Variants in SLC8B1 observed in about 807,000 individuals in gnomAD.
The protein encoded by SLC8B1 is mitochondrial sodium/calcium exchanger protein.
SLC8B1 carries 52 observed loss-of-function variants against 63.4 expected under a neutral mutation model. The ratio of observed to expected loss-of-function variants is 0.82; its 90% CI spans 0.66 to 1.03. The LOEUF (loss-of-function observed/expected upper bound fraction) is 1.03. Ranked by LOEUF, SLC8B1 falls within the 50% of genes least tolerant of loss-of-function variation. The pLI is 0.00. For synonymous variants in SLC8B1, 336 were observed against 323.9 expected (o/e 1.04, Z -0.40); for missense variants, 657 against 741.7 (o/e 0.89, Z 1.33).
rs16942728 is a variant in SLC8B1, at chr12:113,304,441, T to C, written c.1493-56A>G. ...ATGGCCTGCACATAACCCAACCACATAGCCCGTTCCTCCTACTGTGTTCAT... is the reference window on the plus strand; with the variant it reads ...ATGGCCTGCACATAACCCAACCACACAGCCCGTTCCTCCTACTGTGTTCAT... On this transcript the variant is annotated intron_variant, in intron 14 of 15. Transcript: ENST00000680972. 0.015 allele frequency: 22,535 copies of C among 1,506,260 alleles called. 1,368 individuals carry two copies. In the East Asian group the frequency reaches 0.21, roughly 14 times the overall value. 93.3% of individuals were successfully genotyped at this position (1,506,260 alleles called of 1,614,324 possible). A position where few individuals can be genotyped will look rare whatever the true frequency, so the allele number is the denominator to read the frequency against.
At chr12:113,318,292 A>C (rs527649523) in intron 8 of SLC8B1, among the ~76,000 whole-genome samples, 1 of 147,856 alleles carries the variant, frequency 6.8e-6, no homozygotes, top group East Asian at 2.0e-4. Flanking sequence ...CATGTGTGTG[A>C]GCATGTATTT....
chr12:113,313,160 C>T (rs1047330993), intron 11 of SLC8B1, among the ~76,000 whole-genome samples: 2 of 152,088 alleles, frequency 1.3e-5, no homozygotes, highest in African/African-American at 4.8e-5. Context: ...ACTGCCTCAG[C>T]GTCCCAAAGT....
chr12:113,327,472 C>T (rs919886111), intron 2 of SLC8B1, among the ~76,000 whole-genome samples: 8 of 151,950 alleles, frequency 5.3e-5, no homozygotes, highest in African/African-American at 1.9e-4. Flanking sequence ...AGTGCCTGAG[C>T]CCATGAGTTT....
In SLC8B1 at chr12:113,320,938, C is replaced by A; in HGVS notation, c.363-31G>T. The A allele has an allele frequency of 6.3e-7, 1 of 1,595,924 alleles. No individual in the cohort carries two copies. Among genetic ancestry groups the A allele is most frequent in the Non-Finnish European group, 8.5e-7 (1 of 1,172,476 alleles). Reference sequence around the variant, plus strand: ...GAGAAAAAGCGGACGGGAAGCATTTCCGTAGTAACCGGCCCCGGACCCCTA... The same window carrying A: ...GAGAAAAAGCGGACGGGAAGCATTTACGTAGTAACCGGCCCCGGACCCCTA... On this transcript the variant is annotated intron_variant, in intron 4 of 15. Coordinates refer to ENST00000680972, the MANE Select transcript of SLC8B1 (RefSeq NM_001358345.2). This position sits in a 1 kb window ranked among gnomAD's most constrained non-coding sequence, Gnocchi z 5.3.
chr12:113,328,745 C>CTTTTTT (rs557008297), intron 2 of SLC8B1, among the ~76,000 whole-genome samples: 1 of 139,778 alleles, frequency 7.2e-6, no homozygotes, highest in African/African-American at 2.6e-5. Flanking sequence ...CTCCCAGTTA[C>CTTTTTT]TTTTTTTTTT....
intron 11 of SLC8B1, among the ~76,000 whole-genome samples, chr12:113,314,881 C>A (rs530127492): frequency 6.6e-6 from 1 of 152,332 alleles, no homozygotes; most frequent in South Asian, 2.1e-4. Flanking sequence ...GCAGGAGGTC[C>A]CCTGGGTGAA....
intron 12 of SLC8B1, chr12:113,308,602 G>C (rs893567656): frequency 3.3e-5 from 5 of 151,126 alleles, no homozygotes; most frequent in African/African-American, 7.3e-5. Context: ...TCAATGGAAT[G>C]CCACAGTGTG....
rs746586302 is a variant in SLC8B1 at position 113,321,183 on chromosome 12, G to T, written c.309+13C>A. 4.5e-5 allele frequency: 73 copies of T among 1,613,910 alleles called. No homozygotes were observed. The highest frequency in any genetic ancestry group is 5.3e-5 in the Non-Finnish European group (63 of 1,179,946). The stretch of plus-strand genomic sequence containing the variant: ...CCAGCCCCTCTCACCAGCCCCCCAG[G>T]GCAGGGCCTCACGTAGAGAGTGACA... On this transcript the variant is annotated intron_variant, in intron 3 of 15. Coordinates refer to ENST00000680972, the MANE Select transcript of SLC8B1 (RefSeq NM_001358345.2).
chr12:113,326,086 A>C (rs1593258951), intron 2 of SLC8B1, among the ~76,000 whole-genome samples: 1 of 152,206 alleles, frequency 6.6e-6, no homozygotes, highest in African/African-American at 2.4e-5. Context: ...CTGGTTATGC[A>C]CAGCCTGCAA....
chr12:113,306,714 TG>T, intron 13 of SLC8B1, 139 bp from the exon 14 acceptor site: 1 of 677,846 alleles, frequency 1.5e-6, no homozygotes. Flanking sequence ...CACTAGCTGG[TG>T]GGGTGCTGTG....
In SLC8B1 at chr12:113,310,355, T is replaced by C. The variant is rs749390715; in HGVS notation, c.1136A>G (p.Tyr379Cys). 7.4e-5 allele frequency: 120 copies of C among 1,612,110 alleles called. No homozygotes were observed. The highest frequency in any genetic ancestry group is 9.8e-5 in the Non-Finnish European group (115 of 1,179,404). ...VVVLTLQSGT[Y>C]GVYEIGGLVP... ...GAGGCCGCCTATCTCATAGACACCATCTGCAAAGGGAGAGAAAGGGAGCTG... is the reference window on the plus strand; with the variant it reads ...GAGGCCGCCTATCTCATAGACACCACCTGCAAAGGGAGAGAAAGGGAGCTG... The change falls in exon 12 of 16, where the codon TAT (tyrosine) becomes TGT (cysteine). Residue 379 changes from tyrosine (Y) to cysteine (C), a missense_variant and splice_region_variant. Transcript: ENST00000680972.
intron 2 of SLC8B1, among the ~76,000 whole-genome samples, chr12:113,325,987 T>C (rs1956992515): frequency 6.6e-6 from 1 of 152,224 alleles, no homozygotes; most frequent in African/African-American, 2.4e-5. Flanking sequence ...CCAACACTCC[T>C]GCGAGGCAAA....
At chr12:113,322,489 ACT>A (rs1234401993) in intron 2 of SLC8B1, among the ~76,000 whole-genome samples, 1 of 152,038 alleles carries the variant, frequency 6.6e-6, no homozygotes, top group African/African-American at 2.4e-5. Context: ...CTCACACATG[ACT>A]CTCTGAGCAC....
chr12:113,326,279 T>A (rs1186035165), intron 2 of SLC8B1, among the ~76,000 whole-genome samples: 3 of 152,216 alleles, frequency 2.0e-5, no homozygotes, highest in African/African-American at 4.8e-5. Context: ...GAGCAGTGAG[T>A]AGTTGTAGAA....
intron 14 of SLC8B1, 128 bp downstream of exon 14, chr12:113,306,367 G>A: frequency 1.4e-6 from 1 of 702,780 alleles, no homozygotes; most frequent in East Asian, 2.7e-5. Flanking sequence ...GGAGCCTGAG[G>A]CTCAGGCAGC....
chr12:113,310,078 A>G (rs1288230842), intron 12 of SLC8B1, among the ~76,000 whole-genome samples, 156 bp downstream of exon 12: 1 of 152,140 alleles, frequency 6.6e-6, no homozygotes, highest in Non-Finnish European at 1.5e-5. Flanking sequence ...CTGTATAGAT[A>G]CAAACACTCT....
chr12:113,307,156 G>A (rs1410473379), intron 13 of SLC8B1, among the ~76,000 whole-genome samples: 4 of 107,574 alleles, frequency 3.7e-5, no homozygotes, highest in African/African-American at 1.0e-4. Flanking sequence ...AAAAAACTAC[G>A]GCTACCAATT....
intron 13 of SLC8B1, chr12:113,306,938 T>C (rs11833431): frequency 0.21 from 65,405 of 312,814 alleles, 7,754 homozygotes; most frequent in African/African-American, 0.36. Context: ...TGATGAAACC[T>C]TGTCTCTATT....
chr12:113,300,071 AG>A (rs1956557511), intron 15 of SLC8B1, 97 bp from the exon 16 acceptor site: 6 of 956,754 alleles, frequency 6.3e-6, no homozygotes, highest in Non-Finnish European at 9.1e-6. Flanking sequence ...ACAACAATGC[AG>A]CCTCAACAAC....
Sources: gnomAD v4.1 joint callset for allele counts (sites outside exome capture counted in the v4.1 genomes callset) on GRCh38, gnomAD v4.1.1 for gene constraint, Gnocchi (gnomAD v3.1) non-coding constraint, MANE v1.5 for transcripts, NCBI Gene and HGNC (gene_info 2026-07-23, HGNC 2026-07-21) for gene names.